Variants in STK3 observed in about 807,000 individuals in gnomAD.
STK3 encodes the protein serine/threonine kinase 3, also known as serine/threonine-protein kinase 3.
Under a neutral mutation model 58.0 loss-of-function variants are expected in STK3, and 41 were observed. That is an observed-to-expected ratio of 0.71 (90% CI 0.55 to 0.92). The LOEUF (loss-of-function observed/expected upper bound fraction) is 0.92. Among genes scored for constraint, STK3 ranks in the 40% least tolerant of loss-of-function variants. STK3 has a pLI of 0.00. For synonymous variants in STK3, 170 were observed against 191.0 expected (o/e 0.89, Z 0.91); for missense variants, 479 against 602.7 (o/e 0.79, Z 2.15).
At chr8:98,557,776 T>C (rs181522768) in intron 8 of STK3, among the ~76,000 whole-genome samples, 2 of 152,252 alleles carry the variant, frequency 1.3e-5, no homozygotes, top group East Asian at 3.9e-4. Flanking sequence ...GTCTTTGACA[T>C]ACCTGTCTTT....
intron 3 of STK3, among the ~76,000 whole-genome samples, chr8:98,878,423 A>G (rs1837645147): frequency 6.6e-6 from 1 of 152,154 alleles, no homozygotes; most frequent in South Asian, 2.1e-4. Flanking sequence ...TTTTTGGATT[A>G]ACTGCTCCAC....
chr8:98,868,504 A>G (rs1227917152), intron 3 of STK3, among the ~76,000 whole-genome samples: 2 of 152,222 alleles, frequency 1.3e-5, no homozygotes, highest in Non-Finnish European at 2.9e-5. Flanking sequence ...GTTCTGCCAC[A>G]GCTCAGTTCT....
At chr8:98,421,079 T>C (rs572487524) in intron 3 of STK3, among the ~76,000 whole-genome samples, 1 of 152,222 alleles carries the variant, frequency 6.6e-6, no homozygotes, top group Non-Finnish European at 1.5e-5. Context: ...TGGTGGGTGG[T>C]AGTTGAGGCT....
chr8:98,902,055 T>G (rs1291957436), intron 1 of STK3, among the ~76,000 whole-genome samples: 1 of 152,160 alleles, frequency 6.6e-6, no homozygotes, highest in Non-Finnish European at 1.5e-5. Context: ...AAACACTCTA[T>G]TCTCTTGGCT....
chr8:98,531,593 C>G (rs1826175458), intron 9 of STK3, among the ~76,000 whole-genome samples: 1 of 152,156 alleles, frequency 6.6e-6, no homozygotes, highest in Non-Finnish European at 1.5e-5. Flanking sequence ...AACTTAGTCA[C>G]CACCACCAGC....
chr8:98,698,550 G>A (rs1020136313), intron 6 of STK3, among the ~76,000 whole-genome samples: 2 of 152,156 alleles, frequency 1.3e-5, no homozygotes, highest in African/African-American at 4.8e-5. Flanking sequence ...CTCTTTTAGG[G>A]CAGGCCTGGT....
chr8:98,459,148 C>T lies in STK3; in HGVS notation c.1318-3148G>A, dbSNP rs184754289. ...CTGTTAGTGATATGGACAATGAAGCCGTGGCTGAAGTGGTCTCAGACGAAC... is the reference window on the plus strand; with the variant it reads ...CTGTTAGTGATATGGACAATGAAGCTGTGGCTGAAGTGGTCTCAGACGAAC... On this transcript the variant is annotated intron_variant, in intron 10 of 10. Transcript: ENST00000419617. Among the ~76,000 whole-genome samples the T allele has an allele frequency of 5.9e-3, 895 of 152,272 alleles. 6 individuals are homozygous for T. Among genetic ancestry groups the T allele is most frequent in the African/African-American group, 0.017 (715 of 41,552 alleles).
intron 6 of STK3, among the ~76,000 whole-genome samples, chr8:98,605,234 C>T (rs970616815): frequency 2.9e-4 from 44 of 152,224 alleles, no homozygotes; most frequent in African/African-American, 1.1e-3. Context: ...CAATGCCCTA[C>T]TCCTTGGCAC....
intron 10 of STK3, among the ~76,000 whole-genome samples, chr8:98,457,996 G>A (rs1819626990): frequency 6.6e-6 from 1 of 152,074 alleles, no homozygotes; most frequent in African/African-American, 2.4e-5. Flanking sequence ...TGATATTAGA[G>A]AAACATTATC....
rs543238526 is a variant in STK3, at chr8:98,711,182, A to G, written c.352-3871T>C. Among the ~76,000 whole-genome samples, 1,401 of 152,292 alleles carry G rather than the reference A, an allele frequency of 9.2e-3. 16 individuals are homozygous for G. Among genetic ancestry groups the G allele is most frequent in the African/African-American group, 0.032 (1,322 of 41,552 alleles). On this transcript the variant is annotated intron_variant, in intron 4 of 10. Transcript: ENST00000419617. ...AAGGTAGATAAAACCACAAAGATGC[A>G]GAAAAAACAGAGCAGAAAAACTGGA...
chr8:98,366,832 T>G (rs1477164657), downstream of STK3, among the ~76,000 whole-genome samples: 7 of 152,052 alleles, frequency 4.6e-5, no homozygotes. Context: ...CTACTAGACC[T>G]ATCTTTCCAA....
At chr8:98,573,541 A>T (rs1022635786) in intron 8 of STK3, among the ~76,000 whole-genome samples, 3 of 152,186 alleles carry the variant, frequency 2.0e-5, no homozygotes, top group African/African-American at 7.2e-5. Flanking sequence ...ACTACAATTC[A>T]AGAGGAGATG....
chr8:98,434,248 C>T (rs992925740), exon 3 of STK3: 2 of 152,328 alleles, frequency 1.3e-5, no homozygotes, highest in African/African-American at 4.8e-5. Context: ...GCACTGCTCT[C>T]CAACCTCACC....
chr8:98,447,625 ATATATTGCAATACTATATATAGTATCTG>A (rs1232355983), intron 1 of STK3, among the ~76,000 whole-genome samples: 11,194 of 141,358 alleles, frequency 0.079, 3,534 homozygotes, highest in East Asian at 0.14. Context: ...TATAGTATCT[ATATATTGCAATACTATATATAGTATCTG>A]TATATTGCAA....
chr8:98,854,913 C>G (rs961112999), intron 3 of STK3, among the ~76,000 whole-genome samples: 6 of 152,026 alleles, frequency 3.9e-5, no homozygotes, highest in African/African-American at 1.4e-4. Context: ...AAAAATTAGC[C>G]AGGCGTGGTG....
In STK3 at chr8:98,380,376, CGATAA is replaced by C. The variant is rs1293377244; in HGVS notation, n.57-1174_57-1170del. On this transcript the variant is annotated intron_variant and non_coding_transcript_variant, in intron 1 of 2. Coordinates refer to the STK3 transcript ENST00000518704. Reference sequence around the variant, plus strand: ...AATCTTATTACCCAGAGATAACCACCGATAACACTTTGATGTCATCTACTTACCTT... The same window carrying C: ...AATCTTATTACCCAGAGATAACCACCCACTTTGATGTCATCTACTTACCTT... 3.9e-5 allele frequency among the ~76,000 whole-genome samples: 6 copies of C among 152,100 alleles called. No homozygotes were observed. The East Asian group carries it at 1.2e-3, about 29-fold the overall frequency.
intron 4 of STK3, among the ~76,000 whole-genome samples, chr8:98,714,964 C>G (rs576521741): frequency 6.6e-5 from 10 of 152,076 alleles, no homozygotes; most frequent in African/African-American, 2.4e-4. Flanking sequence ...ACAGAGCCCT[C>G]AGAAATAATG....
intron 6 of STK3, among the ~76,000 whole-genome samples, chr8:98,640,117 G>A (rs1819905011): frequency 6.6e-6 from 1 of 152,026 alleles, no homozygotes. Context: ...GCAGTGGCGC[G>A]ATCACGGCTC....
intron 4 of STK3, among the ~76,000 whole-genome samples, chr8:98,717,449 T>A (rs1225021449): frequency 1.3e-5 from 2 of 151,916 alleles, no homozygotes; most frequent in African/African-American, 4.8e-5. Context: ...AAGACAAATA[T>A]AAATCAAAAA....
Sources: gnomAD v4.1 joint callset for allele counts (sites outside exome capture counted in the v4.1 genomes callset) on GRCh38, gnomAD v4.1.1 for gene constraint, MANE v1.5 for transcripts, NCBI Gene and HGNC (gene_info 2026-07-23, HGNC 2026-07-21) for gene names.